Variants in CNTNAP5 observed in about 807,000 individuals in gnomAD.
CNTNAP5 encodes the protein contactin-associated protein-like 5.
A neutral mutation model predicts 150.2 loss-of-function variants in CNTNAP5; 72 were observed. That is an observed-to-expected ratio of 0.48 (90% CI 0.40 to 0.58). The LOEUF is 0.58. Among genes scored for constraint, CNTNAP5 ranks in the 20% least tolerant of loss-of-function variants. The pLI, the probability that CNTNAP5 is intolerant of heterozygous loss-of-function variation, is 0.00. For synonymous variants in CNTNAP5, 672 were observed against 619.8 expected (o/e 1.08, Z -1.25); for missense variants, 1,636 against 1,626.2 (o/e 1.01, Z -0.10).
chr2:124,582,442 A>C (rs1038180734), intron 11 of CNTNAP5, among the ~76,000 whole-genome samples: 1 of 152,206 alleles, frequency 6.6e-6, no homozygotes, highest in Non-Finnish European at 1.5e-5. Context: ...AAAATAAAAA[A>C]GCAAACTCAG....
intron 2 of CNTNAP5, among the ~76,000 whole-genome samples, chr2:124,231,322 C>G (rs1424783241): frequency 6.6e-6 from 1 of 152,112 alleles, no homozygotes; most frequent in Non-Finnish European, 1.5e-5. Flanking sequence ...TTTCTGTCAT[C>G]ACTTCAGTAC....
intron 13 of CNTNAP5, among the ~76,000 whole-genome samples, chr2:124,705,452 C>T (rs12479383): frequency 0.16 from 24,688 of 151,876 alleles, 2,274 homozygotes; most frequent in East Asian, 0.24. Flanking sequence ...TGCTTGAACC[C>T]GGGAGGCGGA....
chr2:124,223,607 A>C (rs1373008779), intron 2 of CNTNAP5, among the ~76,000 whole-genome samples: 1 of 151,990 alleles, frequency 6.6e-6, no homozygotes. Flanking sequence ...ATTGTGCAGC[A>C]GCAGAAAGCA....
chr2:124,352,137 T>G (rs571818153), intron 3 of CNTNAP5, among the ~76,000 whole-genome samples: 57 of 152,114 alleles, frequency 3.7e-4, no homozygotes, highest in Admixed American at 7.2e-4. Context: ...CACAAGATAA[T>G]TATCTGCTAC....
chr2:124,759,938 CTTTT>C (rs571408475), intron 14 of CNTNAP5, among the ~76,000 whole-genome samples: 6,849 of 83,638 alleles, frequency 0.082, 244 homozygotes, highest in South Asian at 0.16. Flanking sequence ...ACTCCTCGGT[CTTTT>C]TTTTTTTTTT....
chr2:124,817,027 A>G (rs961533395), intron 19 of CNTNAP5, among the ~76,000 whole-genome samples: 1 of 152,234 alleles, frequency 6.6e-6, no homozygotes, highest in South Asian at 2.1e-4. Context: ...TTTCTCCCAC[A>G]TAAGTAGTCC....
rs895930070 is a variant in CNTNAP5, at chr2:124,201,314, A to G, written c.83-20391A>G. On this transcript the variant is annotated intron_variant, in intron 1 of 23. Transcript: ENST00000682447. ...TGTAACAATGTTTAATGATTATGGA[A>G]ATTGTATCAATCACTCAGTGAGTCA... Among the ~76,000 whole-genome samples, 5 of 152,222 alleles carry G rather than the reference A, an allele frequency of 3.3e-5. No homozygotes were observed. The East Asian group carries it at 9.6e-4, about 29-fold the overall frequency.
At chr2:124,798,041 T>C in intron 18 of CNTNAP5, 55 bp from the exon 19 acceptor site, 2 of 1,386,330 alleles carry the variant, frequency 1.4e-6, no homozygotes, top group Non-Finnish European at 2.0e-6. Context: ...TAAGGTTAGC[T>C]TGAACAATGG....
chr2:124,847,740 C>T (rs1573657921), intron 19 of CNTNAP5, among the ~76,000 whole-genome samples: 1 of 152,128 alleles, frequency 6.6e-6, no homozygotes, highest in Non-Finnish European at 1.5e-5. Context: ...GCAAGCTAGT[C>T]CTGCCTGCTA....
At chr2:124,286,251 A>G (rs1015004396) in intron 3 of CNTNAP5, among the ~76,000 whole-genome samples, 25 of 152,124 alleles carry the variant, frequency 1.6e-4, no homozygotes, top group African/African-American at 5.5e-4. Context: ...TCCCTTGGGA[A>G]TGCCATCTCT....
chr2:124,613,189 T>A (rs538967435), intron 12 of CNTNAP5, among the ~76,000 whole-genome samples: 20 of 152,366 alleles, frequency 1.3e-4, no homozygotes, highest in African/African-American at 4.6e-4. Flanking sequence ...TCTTTCTATT[T>A]GAAAATTTTA....
At chr2:124,340,694 C>A (rs79558280) in intron 3 of CNTNAP5, among the ~76,000 whole-genome samples, 2 of 151,378 alleles carry the variant, frequency 1.3e-5, no homozygotes, top group East Asian at 1.9e-4. Flanking sequence ...TGAGATGGGA[C>A]GACCCCTTGA....
intron 1 of CNTNAP5, among the ~76,000 whole-genome samples, chr2:124,153,799 C>T (rs971581205): frequency 4.6e-5 from 7 of 151,580 alleles, no homozygotes; most frequent in African/African-American, 7.3e-5. Flanking sequence ...TTAGTAGAGA[C>T]GGAGTTTCAC....
intron 13 of CNTNAP5, among the ~76,000 whole-genome samples, chr2:124,695,799 G>C (rs184981812): frequency 6.6e-6 from 1 of 152,270 alleles, no homozygotes; most frequent in Non-Finnish European, 1.5e-5. Context: ...CAGGTGGAGA[G>C]AAGCATCACT....
At chr2:124,305,590 G>A (rs1688668816) in intron 3 of CNTNAP5, among the ~76,000 whole-genome samples, 2 of 152,194 alleles carry the variant, frequency 1.3e-5, no homozygotes, top group African/African-American at 4.8e-5. Flanking sequence ...CAGTGCAACA[G>A]TGTTGAAAAG....
intron 11 of CNTNAP5, among the ~76,000 whole-genome samples, chr2:124,574,194 G>T (rs191014384): frequency 6.6e-6 from 1 of 151,956 alleles, no homozygotes; most frequent in Non-Finnish European, 1.5e-5. Flanking sequence ...GGCAGGTTGC[G>T]GGGGGGACGG....
rs1278230677 is a variant in CNTNAP5 at position 124,168,708 on chromosome 2, C to A, written c.83-52997C>A. Among the ~76,000 whole-genome samples the A allele has an allele frequency of 2.0e-5, 3 of 152,034 alleles. No homozygotes were observed. In the East Asian group the frequency reaches 5.8e-4, roughly 29 times the overall value. On this transcript the variant is annotated intron_variant, in intron 1 of 23. Coordinates refer to ENST00000682447, the MANE Select transcript of CNTNAP5 (RefSeq NM_001367498.1). ...TTTTAAGACATTAACATATGTCATC[C>A]GTGATCTCAGATCTTCTGTATAAAA...
At chr2:124,644,066 A>G (rs942737918) in intron 12 of CNTNAP5, among the ~76,000 whole-genome samples, 1 of 152,212 alleles carries the variant, frequency 6.6e-6, no homozygotes, top group African/African-American at 2.4e-5. Flanking sequence ...GACCATCTTG[A>G]ACATTTAAGT....
chr2:124,074,653 A>G (rs1484187083), intron 1 of CNTNAP5, among the ~76,000 whole-genome samples: 1 of 152,108 alleles, frequency 6.6e-6, no homozygotes, highest in Non-Finnish European at 1.5e-5. Flanking sequence ...ATTGACTCCT[A>G]GACAGCACTT....
Sources: gnomAD v4.1 joint callset for allele counts (sites outside exome capture counted in the v4.1 genomes callset) on GRCh38, gnomAD v4.1.1 for gene constraint, MANE v1.5 for transcripts, NCBI Gene and HGNC (gene_info 2026-07-23, HGNC 2026-07-21) for gene names.